Variants in TNIK observed in about 807,000 individuals in gnomAD.
TNIK encodes the protein TRAF2 and NCK interacting kinase, also known as TRAF2 and NCK-interacting protein kinase.
TNIK carries 49 observed loss-of-function variants against 191.3 expected under a neutral mutation model. The ratio of observed to expected loss-of-function variants is 0.26; its 90% confidence interval spans 0.20 to 0.32. The LOEUF is 0.32. Ranked by LOEUF, TNIK falls within the 10% of genes least tolerant of loss-of-function variation. TNIK has a pLI of 1.00. For missense variants in TNIK, 1,155 were observed against 1,702.3 expected, an observed-to-expected ratio of 0.68 and a Z score of 5.66; for synonymous variants, 594 against 600.9, an observed-to-expected ratio of 0.99 and a Z score of 0.17.
At chr3:171,220,144 A>G (rs1212850566) in intron 3 of TNIK, among the ~76,000 whole-genome samples, 1 of 152,190 alleles carries the variant, frequency 6.6e-6, no homozygotes, top group Non-Finnish European at 1.5e-5. Context: ...ACACAAGAAC[A>G]GAAAACCAAA....
At chr3:171,327,096 T>C (rs567136021) in intron 2 of TNIK, among the ~76,000 whole-genome samples, 23 of 152,176 alleles carry the variant, frequency 1.5e-4, no homozygotes, top group Non-Finnish European at 2.9e-4. Context: ...TACTTTAAGA[T>C]AAAAATGATT....
At chr3:171,104,946 T>C (rs1724488839) in intron 21 of TNIK, among the ~76,000 whole-genome samples, 2 of 149,676 alleles carry the variant, frequency 1.3e-5, no homozygotes, top group African/African-American at 5.1e-5. Context: ...GTGTCACATA[T>C]TTAATTGTGC....
chr3:171,093,913 G>A lies in TNIK; in HGVS notation c.2647C>T (p.His883Tyr), dbSNP rs750241181. Residue 883 changes from histidine to tyrosine, a missense_variant, in exon 23 of 33, where the codon CAT becomes TAT. By Grantham distance (83) the His-to-Tyr change is moderately conservative. This residue lies in a region of TNIK where 735 missense variants were observed against 848.0 expected (regional missense o/e 0.87). Coordinates refer to ENST00000436636, the MANE Select transcript of TNIK (RefSeq NM_015028.4). ...EQYNVGMVGT[H>Y]GLETSHADSF... ...TCCGCATGAGAGGTCTCCAGCCCAT[G>A]CGTCCCCACCATTCCCACATTGTAC... 6 of 1,613,876 alleles carry A rather than the reference G, an allele frequency of 3.7e-6. No homozygotes were observed. In the East Asian group the frequency reaches 1.3e-4, roughly 36 times the overall value.
At chr3:171,360,465 A>G (rs1714810330) in intron 2 of TNIK, among the ~76,000 whole-genome samples, 1 of 152,238 alleles carries the variant, frequency 6.6e-6, no homozygotes, top group Non-Finnish European at 1.5e-5. Flanking sequence ...GAATTAAAGG[A>G]TGTCATATCT....
intron 2 of TNIK, among the ~76,000 whole-genome samples, chr3:171,266,022 T>A (rs1451710887): frequency 6.6e-6 from 1 of 151,568 alleles, no homozygotes; most frequent in Non-Finnish European, 1.5e-5. Context: ...CCAAATGCAA[T>A]CTAGAATCAA....
intron 2 of TNIK, among the ~76,000 whole-genome samples, chr3:171,319,339 GCAGTT>G (rs1272483882): frequency 1.3e-5 from 2 of 152,086 alleles, no homozygotes; most frequent in African/African-American, 4.8e-5. Context: ...CAAAAATTCT[GCAGTT>G]AAGTTCTAAC....
chr3:171,139,946 G>A (rs765118000), intron 13 of TNIK, among the ~76,000 whole-genome samples: 2 of 152,190 alleles, frequency 1.3e-5, no homozygotes, highest in Non-Finnish European at 1.5e-5. Context: ...GAATGCCATC[G>A]TGCACTGTCT....
Position 171,125,970 on chromosome 3 carries a change from C to T in TNIK, c.1955G>A (p.Arg652His), listed in dbSNP as rs367614585. Residue 652 changes from arginine to histidine, a missense_variant, in exon 17 of 33, where the codon CGC (arginine) becomes CAC (histidine). Coordinates refer to ENST00000436636, the MANE Select transcript of TNIK (RefSeq NM_015028.4). ...PTSENPPLPTRIEKFDRSSWL... is the reference protein window; with the variant it reads ...PTSENPPLPTHIEKFDRSSWL... ...AGAGCTTCGGTCAAACTTTTCAATGCGAGTGGGGAGAGGAGGATTTTCCGA... is the reference window on the plus strand; with the variant it reads ...AGAGCTTCGGTCAAACTTTTCAATGTGAGTGGGGAGAGGAGGATTTTCCGA... 5.0e-5 allele frequency: 81 copies of T among 1,613,728 alleles called. 2 individuals carry two copies. In the Admixed American group the frequency reaches 9.8e-4, roughly 20 times the overall value.
At chr3:171,293,516 G>A (rs1013586659) in intron 2 of TNIK, among the ~76,000 whole-genome samples, 1 of 152,130 alleles carries the variant, frequency 6.6e-6, no homozygotes, top group Non-Finnish European at 1.5e-5. Context: ...TTCTGATTCT[G>A]CCAAGCAATG....
intron 2 of TNIK, among the ~76,000 whole-genome samples, chr3:171,334,572 A>G (rs1480825327): frequency 6.6e-6 from 1 of 152,192 alleles, no homozygotes; most frequent in Non-Finnish European, 1.5e-5. Flanking sequence ...GGAGCCTTCT[A>G]AAAATAGTCT....
chr3:171,131,452 C>T (rs1191035167), intron 15 of TNIK, among the ~76,000 whole-genome samples: 1 of 140,570 alleles, frequency 7.1e-6, no homozygotes, highest in Admixed American at 7.3e-5. Context: ...ATAGATGTTG[C>T]TAATGTACTT....
chr3:171,063,772 G>T lies in TNIK; in HGVS notation c.*109C>A. On this transcript the variant is annotated 3_prime_UTR_variant, in exon 33 of 33. Coordinates refer to ENST00000436636, the MANE Select transcript of TNIK (RefSeq NM_015028.4). The stretch of plus-strand genomic sequence containing the variant: ...GGAGAGGAAAAAGGGAAAGCGATAT[G>T]TTCAACCAAGCCTTCTGATTCTGCC... 9.1e-7 allele frequency: 1 copy of T among 1,101,136 alleles called. No homozygotes were observed. 68.2% of individuals were successfully genotyped at this position (1,101,136 alleles called of 1,614,324 possible).
At chr3:171,415,613 T>C (rs1258898534) in intron 1 of TNIK, among the ~76,000 whole-genome samples, 2 of 151,968 alleles carry the variant, frequency 1.3e-5, no homozygotes, top group African/African-American at 2.4e-5. Flanking sequence ...ACAGAACCCC[T>C]AGGATTGGAA....
chr3:171,174,162 G>A (rs1332455870), intron 9 of TNIK, among the ~76,000 whole-genome samples: 1 of 152,148 alleles, frequency 6.6e-6, no homozygotes. Flanking sequence ...TGTGCAGTGT[G>A]CCCTTTCCTC....
chr3:171,087,665 A>G (rs1721546932), intron 23 of TNIK, among the ~76,000 whole-genome samples, 159 bp from the exon 24 acceptor site: 1 of 152,248 alleles, frequency 6.6e-6, no homozygotes, highest in Admixed American at 6.5e-5. Context: ...GAAAACAAAA[A>G]AGAAATTAAG....
At chr3:171,246,732 T>G (rs550167223) in intron 2 of TNIK, among the ~76,000 whole-genome samples, 1 of 152,334 alleles carries the variant, frequency 6.6e-6, no homozygotes, top group African/African-American at 2.4e-5. Context: ...AGTTTTCAGC[T>G]ATTATTTCTC....
chr3:171,285,075 TCAATG>T (rs1364905302), intron 2 of TNIK, among the ~76,000 whole-genome samples: 1 of 152,204 alleles, frequency 6.6e-6, no homozygotes, highest in Non-Finnish European at 1.5e-5. Flanking sequence ...AAATACTTTT[TCAATG>T]CAAGACATAG....
intron 27 of TNIK, among the ~76,000 whole-genome samples, chr3:171,081,250 A>G (rs893557004): frequency 6.6e-6 from 1 of 152,162 alleles, no homozygotes; most frequent in Admixed American, 6.6e-5. Context: ...CTGAGCATTC[A>G]GTGGAAAGGT....
intron 18 of TNIK, 87 bp downstream of exon 18, chr3:171,123,509 A>G: frequency 8.6e-7 from 1 of 1,159,994 alleles, no homozygotes; most frequent in East Asian, 2.7e-5. Flanking sequence ...CTGAAGAGAA[A>G]AAAGAACACA....
Sources: gnomAD v4.1 joint callset for allele counts (sites outside exome capture counted in the v4.1 genomes callset) on GRCh38, gnomAD v4.1.1 for gene constraint, gnomAD v4.1.1 regional missense constraint, MANE v1.5 for transcripts, NCBI Gene and HGNC (gene_info 2026-07-23, HGNC 2026-07-21) for gene names.